Variants in SPTLC2 observed in about 807,000 individuals in gnomAD.
SPTLC2 encodes serine palmitoyltransferase 2.
Under a neutral mutation model 62.0 loss-of-function variants are expected in SPTLC2, and 21 were observed. The observed-to-expected ratio is 0.34, with a 90% CI of 0.24 to 0.49. The LOEUF is 0.49. Ranked by LOEUF, SPTLC2 falls within the 20% of genes least tolerant of loss-of-function variation. The pLI is 0.99. For missense variants in SPTLC2, 511 were observed against 713.0 expected (o/e 0.72, Z 3.23); for synonymous variants, 261 against 261.8 (o/e 1.00, Z 0.03).
intron 9 of SPTLC2, among the ~76,000 whole-genome samples, chr14:77,531,426 C>T (rs184562770): frequency 1.5e-5 from 2 of 129,848 alleles, no homozygotes; most frequent in East Asian, 3.9e-4. Context: ...TGACTTTCTT[C>T]TTCTTCTTCT....
intron 2 of SPTLC2, among the ~76,000 whole-genome samples, chr14:77,587,208 G>C (rs2079786411): frequency 6.6e-6 from 1 of 151,508 alleles, no homozygotes; most frequent in Non-Finnish European, 1.5e-5. Flanking sequence ...TCCAGCCTGG[G>C]TGACAGAACG....
At position 77,572,323 on chromosome 14, in the gene SPTLC2, A is replaced by AT. The variant is rs1555376265; in HGVS notation, c.632-1816dup. Among the ~76,000 whole-genome samples, 5 of 152,330 alleles carry AT rather than the reference A, an allele frequency of 3.3e-5. No individual in the cohort carries two copies. The South Asian group carries it at 8.3e-4, about 25-fold the overall frequency. The stretch of plus-strand genomic sequence containing the variant: ...CCAAGAAATAAAAGCTAAAAGCTCA[A>AT]TTTTTTATTAATTAGTGGACATCTG... On this transcript the variant is annotated intron_variant, in intron 4 of 11. Coordinates refer to ENST00000216484, the MANE Select transcript of SPTLC2 (RefSeq NM_004863.4).
Position 77,597,292 on chromosome 14 carries a change from G to A in SPTLC2, c.221C>T (p.Thr74Met), listed in dbSNP as rs1373800462. 2.5e-6 allele frequency: 4 copies of A among 1,614,104 alleles called. No homozygotes were observed. Among genetic ancestry groups the A allele is most frequent in the African/African-American group, 1.3e-5 (1 of 75,020 alleles). ...GGTGAGTACGCCATACCCCACATAC[G>A]TGAGCACAGCAACCAGCATTGGTGT... ...EETPMLVAVL[T>M]YVGYGVLTLF... Residue 74 changes from threonine (T) to methionine (M), a missense_variant, in exon 2 of 12, where the codon ACG (threonine) becomes ATG (methionine). Physicochemically the swap from Thr to Met is moderately conservative, Grantham distance 81. Transcript: ENST00000216484.
intron 8 of SPTLC2, among the ~76,000 whole-genome samples, chr14:77,553,423 T>TA (rs1394958315): frequency 2.0e-5 from 3 of 151,990 alleles, no homozygotes; most frequent in Non-Finnish European, 4.4e-5. Context: ...AAAAAGGTAA[T>TA]ATTTGAGATA....
chr14:77,615,990 C>A (rs918210473), intron 1 of SPTLC2, among the ~76,000 whole-genome samples: 1 of 152,152 alleles, frequency 6.6e-6, no homozygotes, highest in African/African-American at 2.4e-5. Flanking sequence ...CTGACACCAC[C>A]GCCTAATTTT....
At chr14:77,514,781 CCAATA>C (rs1801327569) in intron 11 of SPTLC2, among the ~76,000 whole-genome samples, 1 of 152,114 alleles carries the variant, frequency 6.6e-6, no homozygotes, top group Non-Finnish European at 1.5e-5. Flanking sequence ...AAAAAGCAAC[CCAATA>C]CTCGTTGTCT....
intron 2 of SPTLC2, among the ~76,000 whole-genome samples, chr14:77,580,477 C>CCCA (rs1566786498): frequency 9.1e-6 from 1 of 109,872 alleles, no homozygotes; most frequent in Non-Finnish European, 1.8e-5. Flanking sequence ...GACTCCATAT[C>CCCA]AAAAAAAAAA....
chr14:77,591,692 C>CTGTCTTCTGTA (rs1555377420), intron 2 of SPTLC2, among the ~76,000 whole-genome samples: 1 of 130,350 alleles, frequency 7.7e-6, no homozygotes, highest in African/African-American at 2.7e-5. Context: ...TAGTGCTCTT[C>CTGTCTTCTGTA]TGTATGTATG....
intron 9 of SPTLC2, among the ~76,000 whole-genome samples, chr14:77,535,052 C>T (rs995834108): frequency 2.6e-5 from 4 of 152,232 alleles, no homozygotes; most frequent in African/African-American, 9.6e-5. Context: ...CTCAGCCTCC[C>T]GAGTAGCTGG....
Position 77,510,139 on chromosome 14 carries a change from C to A in SPTLC2, c.*2145G>T, listed in dbSNP as rs2079325177. On this transcript the variant is annotated 3_prime_UTR_variant, in exon 12 of 12. Transcript: ENST00000216484. Reference sequence around the variant, plus strand: ...TTTTATAGGACTCCTATTTAGTTACCACAACCTCCTTCTTACTTTAACCTA... The same window carrying A: ...TTTTATAGGACTCCTATTTAGTTACAACAACCTCCTTCTTACTTTAACCTA... 1 of 392,134 alleles carries A rather than the reference C, an allele frequency of 2.6e-6. No individual in the cohort carries two copies. The highest frequency in any genetic ancestry group is 4.5e-6 in the Non-Finnish European group (1 of 222,666). The allele number at this position is 392,134 out of a possible 1,614,324, so 24.3% of individuals were successfully genotyped here. A position where few individuals can be genotyped will look rare whatever the true frequency, so the allele number is the denominator to read the frequency against.
At chr14:77,574,709 GA>G (rs2079704009) in intron 4 of SPTLC2, among the ~76,000 whole-genome samples, 1 of 152,184 alleles carries the variant, frequency 6.6e-6, no homozygotes, top group East Asian at 1.9e-4. Context: ...GGATGAATTT[GA>G]AAATATTGTG....
At chr14:77,555,276 C>T (rs750207682) in intron 8 of SPTLC2, 24 bp downstream of exon 8, 6 of 1,613,604 alleles carry the variant, frequency 3.7e-6, no homozygotes, top group South Asian at 2.2e-5. Flanking sequence ...TATCTCTAAT[C>T]GCTCATTCTC....
intron 9 of SPTLC2, among the ~76,000 whole-genome samples, chr14:77,548,677 T>C (rs2079541423): frequency 6.6e-6 from 1 of 152,178 alleles, no homozygotes; most frequent in African/African-American, 2.4e-5. Flanking sequence ...GAGATCCTAG[T>C]GAAGTTGCCT....
At chr14:77,530,961 A>C (rs909072511) in intron 9 of SPTLC2, among the ~76,000 whole-genome samples, 5 of 152,194 alleles carry the variant, frequency 3.3e-5, no homozygotes, top group African/African-American at 1.2e-4. Context: ...TCATCTACCT[A>C]CTGTGAATTC....
intron 2 of SPTLC2, among the ~76,000 whole-genome samples, chr14:77,589,846 T>C (rs940786176): frequency 2.6e-5 from 4 of 151,312 alleles, no homozygotes; most frequent in Admixed American, 1.3e-4. Flanking sequence ...GGCGTGGTGG[T>C]GCACGCCTGC....
At chr14:77,539,432 A>G (rs1237238940) in intron 9 of SPTLC2, among the ~76,000 whole-genome samples, 1 of 150,340 alleles carries the variant, frequency 6.7e-6, no homozygotes, top group Non-Finnish European at 1.5e-5. Flanking sequence ...ACACTAAGAA[A>G]CTGTTGTTTA....
At position 77,509,996 on chromosome 14, in the gene SPTLC2, T is replaced by C. The variant is rs1004620350; in HGVS notation, c.*2288A>G. 2.8e-5 allele frequency: 11 copies of C among 398,214 alleles called. No homozygotes were observed. The highest frequency in any genetic ancestry group is 8.8e-5 in the Admixed American group (2 of 22,704). The allele number at this position is 398,214 out of a possible 1,614,324, so 24.7% of individuals were successfully genotyped here. A position where few individuals can be genotyped will look rare whatever the true frequency, so the allele number is the denominator to read the frequency against. On this transcript the variant is annotated 3_prime_UTR_variant, in exon 12 of 12. Coordinates refer to ENST00000216484, the MANE Select transcript of SPTLC2 (RefSeq NM_004863.4). ...TTCATTGCTTATAAGTTTGTGACTT[T>C]TACAAACCCTACGTTTACATTAGTA...
In SPTLC2 at chr14:77,579,098, T is replaced by G. The variant is rs952500033; in HGVS notation, c.339A>C (p.Ser113=). 2 of 1,614,090 alleles carry G rather than the reference T, an allele frequency of 1.2e-6. No homozygotes were observed. Among genetic ancestry groups the G allele is most frequent in the Non-Finnish European group, 1.7e-6 (2 of 1,179,980 alleles). The part of the protein sequence containing the change: ...TEREEQKDFV[S]LYQDFENFYT... Reference sequence around the variant, plus strand: ...AAAAGTTTTCAAAATCTTGATACAATGACACAAAGTCCTGCCAAGAAATGG... The same window carrying G: ...AAAAGTTTTCAAAATCTTGATACAAGGACACAAAGTCCTGCCAAGAAATGG... The change falls in exon 3 of 12, where the codon TCA becomes TCC. Residue 113 remains serine (S), a synonymous_variant. Coordinates refer to ENST00000216484, the MANE Select transcript of SPTLC2 (RefSeq NM_004863.4).
intron 2 of SPTLC2, among the ~76,000 whole-genome samples, chr14:77,587,546 C>CA (rs35209022): frequency 0.17 from 26,546 of 151,962 alleles, 2,910 homozygotes; most frequent in East Asian, 0.55. Flanking sequence ...GCAGGTGGAT[C>CA]ACCTGAGGTC....
Sources: gnomAD v4.1 joint callset for allele counts (sites outside exome capture counted in the v4.1 genomes callset) on GRCh38, gnomAD v4.1.1 for gene constraint, MANE v1.5 for transcripts, NCBI Gene and HGNC (gene_info 2026-07-23, HGNC 2026-07-21) for gene names.